Variants in FARS2 observed in about 807,000 individuals in gnomAD.
FARS2 encodes phenylalanyl-tRNA synthetase 2, mitochondrial, also known as phenylalanine--tRNA ligase, mitochondrial.
In FARS2, 40 loss-of-function variants were observed where a neutral mutation model predicts 46.4. That is an observed-to-expected ratio of 0.86 (90% CI 0.67 to 1.12). The LOEUF is 1.12. Among genes scored for constraint, FARS2 ranks in the 50% most tolerant of loss-of-function variants. The pLI, the probability that FARS2 is intolerant of heterozygous loss-of-function variation, is 0.00. For missense variants in FARS2, 513 were observed against 567.9 expected, an observed-to-expected ratio of 0.90 and a Z score of 0.98; for synonymous variants, 234 against 214.9, an observed-to-expected ratio of 1.09 and a Z score of -0.78.
Position 5,764,280 on chromosome 6 carries a change from C to T in FARS2, c.1218-7011C>T, listed in dbSNP as rs1762638608. Among the ~76,000 whole-genome samples the T allele has an allele frequency of 6.6e-6, 1 of 152,156 alleles. No individual in the cohort carries two copies. Among genetic ancestry groups the T allele is most frequent in the Non-Finnish European group, 1.5e-5 (1 of 68,020 alleles). On this transcript the variant is annotated intron_variant, in intron 6 of 6. Coordinates refer to ENST00000274680, the MANE Select transcript of FARS2 (RefSeq NM_006567.5). The surrounding 1 kb of genome is among the most constrained non-coding windows in gnomAD (Gnocchi z 4.1). ...AATTAGAACCAAGTTTCTCTAGCTG[C>T]AAAGTCTGGTTCTCCACTCCACCAT...
At chr6:5,251,649 T>C in the FARS2 span, among the ~76,000 whole-genome samples, 19 of 152,162 alleles carry the variant, frequency 1.2e-4, no homozygotes, top group Non-Finnish European at 2.4e-4. Flanking sequence ...CCTGCCCCCA[T>C]GATCCAATTA....
At position 5,489,584 on chromosome 6, in the gene FARS2, G is replaced by A. The variant is rs971809804; in HGVS notation, c.905-55596G>A. Among the ~76,000 whole-genome samples, 3 of 152,164 alleles carry A rather than the reference G, an allele frequency of 2.0e-5. No individual in the cohort carries two copies. The East Asian group carries it at 5.8e-4, about 29-fold the overall frequency. On this transcript the variant is annotated intron_variant, in intron 4 of 6. Coordinates refer to ENST00000274680, the MANE Select transcript of FARS2 (RefSeq NM_006567.5). ...CATCTCCAGTCAGTTGACAAATTCA[G>A]TCAGTTCAACCCTTGTAATATGCTT...
At chr6:5,514,455 A>G (rs1219056520) in intron 4 of FARS2, among the ~76,000 whole-genome samples, 1 of 152,194 alleles carries the variant, frequency 6.6e-6, no homozygotes, top group African/African-American at 2.4e-5. Flanking sequence ...CTAAACATTC[A>G]TGAAAATCTG....
intron 1 of FARS2, among the ~76,000 whole-genome samples, chr6:5,308,244 G>A (rs993995883): frequency 3.3e-5 from 5 of 152,202 alleles, no homozygotes; most frequent in Admixed American, 6.5e-5. Flanking sequence ...AGACCTAGGT[G>A]AAGTCACAGA....
At chr6:5,327,227 A>G (rs1770456352) in intron 1 of FARS2, among the ~76,000 whole-genome samples, 1 of 152,248 alleles carries the variant, frequency 6.6e-6, no homozygotes, top group South Asian at 2.1e-4. Flanking sequence ...GCTAATGCTA[A>G]CAGTTATTAT....
At chr6:5,689,999 T>C (rs141450049) in intron 6 of FARS2, among the ~76,000 whole-genome samples, 2,058 of 152,342 alleles carry the variant, frequency 0.014, 47 homozygotes, top group African/African-American at 0.047. Context: ...AAGTCTGTTT[T>C]ATCCAAGACT....
At chr6:5,545,618 C>T (rs558421191) in intron 5 of FARS2, among the ~76,000 whole-genome samples, 2 of 152,030 alleles carry the variant, frequency 1.3e-5, no homozygotes, top group Non-Finnish European at 2.9e-5. Flanking sequence ...TTGCCTGCCA[C>T]CCCGCAACAG....
chr6:5,462,098 A>C (rs575764547), intron 4 of FARS2, among the ~76,000 whole-genome samples: 6 of 152,358 alleles, frequency 3.9e-5, no homozygotes, highest in African/African-American at 1.2e-4. Context: ...GAAAATAGGC[A>C]TCCCAGTGAG....
chr6:5,535,466 ACTT>A (rs1470070137), intron 4 of FARS2, among the ~76,000 whole-genome samples: 5 of 152,180 alleles, frequency 3.3e-5, no homozygotes, highest in Admixed American at 6.5e-5. Flanking sequence ...AGATAATTTT[ACTT>A]CTTCTTTTTC....
intron 6 of FARS2, among the ~76,000 whole-genome samples, chr6:5,697,133 T>C (rs921182769): frequency 6.6e-6 from 1 of 152,200 alleles, no homozygotes; most frequent in African/African-American, 2.4e-5. Context: ...TGTCAAAATT[T>C]GGAAAATACC....
At chr6:5,281,320 A>C (rs2127855679) in intron 1 of FARS2, among the ~76,000 whole-genome samples, 1 of 152,362 alleles carries the variant, frequency 6.6e-6, no homozygotes, top group East Asian at 1.9e-4. Context: ...GTTTAAAATA[A>C]ACTGCTGTTC....
At chr6:5,749,104 A>G (rs1761799821) in intron 6 of FARS2, among the ~76,000 whole-genome samples, 1 of 152,302 alleles carries the variant, frequency 6.6e-6, no homozygotes, top group African/African-American at 2.4e-5. Context: ...AGCTGGTCCA[A>G]AAGGGGGCTG....
chr6:5,496,773 A>G lies in FARS2; in HGVS notation c.905-48407A>G, dbSNP rs1767491619. Among the ~76,000 whole-genome samples the G allele has an allele frequency of 2.0e-5, 3 of 152,342 alleles. No homozygotes were observed. The South Asian group carries it at 6.2e-4, about 32-fold the overall frequency. The stretch of plus-strand genomic sequence containing the variant: ...TCTTAATTACCTCTTTAAAGGCTGT[A>G]TCACGTTCTGAGGTCCTGGGGGTTA... On this transcript the variant is annotated intron_variant, in intron 4 of 6. Coordinates refer to ENST00000274680, the MANE Select transcript of FARS2 (RefSeq NM_006567.5).
chr6:5,499,074 C>G (rs1331171972), intron 4 of FARS2, among the ~76,000 whole-genome samples: 1 of 152,088 alleles, frequency 6.6e-6, no homozygotes, highest in Non-Finnish European at 1.5e-5. Context: ...ATTTTTGTAT[C>G]TTTAGCAGAG....
chr6:5,479,122 C>G (rs1766294437), intron 4 of FARS2, among the ~76,000 whole-genome samples: 1 of 152,188 alleles, frequency 6.6e-6, no homozygotes, highest in African/African-American at 2.4e-5. Context: ...TGCGTATCAG[C>G]CTGTAGTCAC....
At chr6:5,406,123 A>G (rs926385966) in intron 3 of FARS2, among the ~76,000 whole-genome samples, 1 of 152,210 alleles carries the variant, frequency 6.6e-6, no homozygotes, top group East Asian at 1.9e-4. Context: ...TCTTTAAGAA[A>G]TACTTACATT....
At chr6:5,414,816 T>TC (rs1762129881) in intron 3 of FARS2, among the ~76,000 whole-genome samples, 1 of 135,870 alleles carries the variant, frequency 7.4e-6, no homozygotes, top group Non-Finnish European at 1.6e-5. Flanking sequence ...TGACTGTTTT[T>TC]TTTTTTTTTT....
intron 6 of FARS2, among the ~76,000 whole-genome samples, chr6:5,629,331 T>C (rs1776182673): frequency 1.3e-5 from 2 of 152,246 alleles, no homozygotes; most frequent in Non-Finnish European, 2.9e-5. Context: ...GGGTAGCACC[T>C]TACTTTGCCT....
chr6:5,350,820 A>G (rs1369130360), intron 1 of FARS2, among the ~76,000 whole-genome samples: 3 of 152,254 alleles, frequency 2.0e-5, no homozygotes, highest in Non-Finnish European at 4.4e-5. Context: ...TTATTTAATT[A>G]CAACTGCAGG....
Sources: allele counts gnomAD v4.1 joint callset (sites outside exome capture counted in the v4.1 genomes callset), GRCh38; gene constraint gnomAD v4.1.1; non-coding constraint Gnocchi (gnomAD v3.1); transcripts MANE v1.5; gene names NCBI Gene and HGNC (gene_info 2026-07-23, HGNC 2026-07-21).